TSC22D1: variants seen among roughly 807,000 people sequenced by gnomAD.
TSC22D1 encodes TSC22 domain family protein 1.
A neutral mutation model predicts 74.2 loss-of-function variants in TSC22D1; 9 were observed. The ratio of observed to expected loss-of-function variants is 0.12; its 90% CI spans 0.07 to 0.21. TSC22D1 has a LOEUF of 0.21. TSC22D1 is among the 10% of genes least tolerant of loss of function. The pLI, the probability that TSC22D1 is intolerant of heterozygous loss-of-function variation, is 1.00. For missense variants in TSC22D1, 1,427 were observed against 1,304.7 expected (o/e 1.09, Z -1.44); for synonymous variants, 586 against 492.5 (o/e 1.19, Z -2.51).
intron 1 of TSC22D1, among the ~76,000 whole-genome samples, chr13:44,511,210 G>A (rs980362945): frequency 2.0e-5 from 3 of 152,168 alleles, no homozygotes; most frequent in South Asian, 2.1e-4. Flanking sequence ...GCTTGAGCCC[G>A]GGAGGTTGCA....
At chr13:44,435,068 T>C (rs779529454) in intron 2 of TSC22D1, 185 bp from the exon 3 acceptor site, 18 of 580,392 alleles carry the variant, frequency 3.1e-5, no homozygotes, top group Non-Finnish European at 4.5e-5. Context: ...GTTTAACGTA[T>C]AAATGATCAA....
intron 1 of TSC22D1, among the ~76,000 whole-genome samples, chr13:44,489,206 CAAAA>C (rs34867283): frequency 1.5e-5 from 2 of 134,692 alleles, no homozygotes; most frequent in East Asian, 2.1e-4. Flanking sequence ...TCATTTCATG[CAAAA>C]AAAAAAAAAA....
intron 1 of TSC22D1, among the ~76,000 whole-genome samples, chr13:44,478,026 A>G (rs1878004623): frequency 6.6e-6 from 1 of 152,066 alleles, no homozygotes; most frequent in African/African-American, 2.4e-5. Context: ...TTTAAAGTAA[A>G]GTCCTTATAT....
chr13:44,456,563 A>G (rs1430120105), intron 1 of TSC22D1, among the ~76,000 whole-genome samples: 1 of 152,230 alleles, frequency 6.6e-6, no homozygotes, highest in Non-Finnish European at 1.5e-5. Flanking sequence ...CCCGACCCAG[A>G]AGCCCAGCCG....
intron 1 of TSC22D1, among the ~76,000 whole-genome samples, chr13:44,504,190 T>C (rs1295891765): frequency 6.6e-6 from 1 of 150,836 alleles, no homozygotes. Flanking sequence ...AAAGCAAGCC[T>C]GTATTTAATG....
intron 1 of TSC22D1, among the ~76,000 whole-genome samples, chr13:44,555,341 C>T (rs1281590807): frequency 4.6e-5 from 7 of 151,840 alleles, no homozygotes; most frequent in Non-Finnish European, 5.9e-5. Context: ...GGGCGTGGTG[C>T]GTCATGCCTG....
At chr13:44,529,679 A>G (rs1377304767) in intron 1 of TSC22D1, among the ~76,000 whole-genome samples, 3 of 152,142 alleles carry the variant, frequency 2.0e-5, no homozygotes, top group Non-Finnish European at 4.4e-5. Context: ...TGTATGTTGA[A>G]AACCGCAAGG....
intron 1 of TSC22D1, among the ~76,000 whole-genome samples, chr13:44,572,124 T>C (rs1883811288): frequency 6.6e-6 from 1 of 152,178 alleles, no homozygotes; most frequent in Non-Finnish European, 1.5e-5. Context: ...GTGAAAATGA[T>C]GTCTTTTCAT....
At chr13:44,539,445 A>T (rs1795722794) in intron 1 of TSC22D1, 3 of 985,224 alleles carry the variant, frequency 3.0e-6, no homozygotes, top group Middle Eastern at 5.2e-4. Context: ...TTACTTGAAT[A>T]TAAAAGAGCA....
At chr13:44,438,802 GAAT>G (rs1874949541) in intron 1 of TSC22D1, among the ~76,000 whole-genome samples, 1 of 152,040 alleles carries the variant, frequency 6.6e-6, no homozygotes, top group South Asian at 2.1e-4. Context: ...ATGCTAACCA[GAAT>G]ATTATTTACT....
intron 1 of TSC22D1, among the ~76,000 whole-genome samples, chr13:44,468,055 A>G (rs941489486): frequency 6.6e-6 from 1 of 152,080 alleles, no homozygotes; most frequent in Non-Finnish European, 1.5e-5. Flanking sequence ...ATAAGAACAA[A>G]ATAATATCTT....
At chr13:44,516,027 T>C (rs1595130974) in intron 1 of TSC22D1, among the ~76,000 whole-genome samples, 1 of 152,156 alleles carries the variant, frequency 6.6e-6, no homozygotes, top group Non-Finnish European at 1.5e-5. Context: ...AGGCAAACTT[T>C]TCATGTTTTC....
intron 1 of TSC22D1, among the ~76,000 whole-genome samples, chr13:44,519,065 TTTC>T (rs756409779): frequency 1.3e-5 from 2 of 152,228 alleles, no homozygotes; most frequent in Non-Finnish European, 2.9e-5. Context: ...CTAAATTTTT[TTTC>T]TTCAATAGCA....
At chr13:44,504,518 C>G (rs561213237) in intron 1 of TSC22D1, among the ~76,000 whole-genome samples, 133 of 150,436 alleles carry the variant, frequency 8.8e-4, no homozygotes, top group Non-Finnish European at 1.3e-3. Context: ...GTGGGAGGAT[C>G]ACCTGAGCCT....
At chr13:44,517,213 G>A (rs1024757614) in intron 1 of TSC22D1, among the ~76,000 whole-genome samples, 1 of 152,012 alleles carries the variant, frequency 6.6e-6, no homozygotes, top group African/African-American at 2.4e-5. Context: ...TATTCATCCT[G>A]TACTACAACC....
intron 1 of TSC22D1, among the ~76,000 whole-genome samples, chr13:44,476,080 A>T (rs922807526): frequency 2.6e-5 from 4 of 152,242 alleles, no homozygotes; most frequent in Non-Finnish European, 4.4e-5. Context: ...CTGGTATCCC[A>T]CATTAGGTGG....
At chr13:44,543,597 C>G (rs903908824) in intron 1 of TSC22D1, among the ~76,000 whole-genome samples, 1 of 152,174 alleles carries the variant, frequency 6.6e-6, no homozygotes, top group African/African-American at 2.4e-5. Context: ...AAGGAAAGAA[C>G]ATGCTTAACA....
At chr13:44,478,921 G>A (rs888263452) in intron 1 of TSC22D1, among the ~76,000 whole-genome samples, 1 of 151,500 alleles carries the variant, frequency 6.6e-6, no homozygotes, top group African/African-American at 2.4e-5. Context: ...GTGTATTTAT[G>A]TATGTGTGTA....
At chr13:44,573,088 TG>T in intron 1 of TSC22D1, 74 bp downstream of exon 1, 7 of 1,514,302 alleles carry the variant, frequency 4.6e-6, no homozygotes, top group Middle Eastern at 3.6e-4. Context: ...AGAGTCATTT[TG>T]TGCATACATA....
Sources: gnomAD v4.1 joint callset for allele counts (sites outside exome capture counted in the v4.1 genomes callset) on GRCh38, gnomAD v4.1.1 for gene constraint, MANE v1.5 for transcripts, NCBI Gene and HGNC (gene_info 2026-07-23, HGNC 2026-07-21) for gene names.